The following PLPP1 variants were observed in gnomAD, a reference collection of about 807,000 sequenced individuals.
PLPP1 encodes the protein lipid phosphate phosphohydrolase 1a.
A neutral mutation model predicts 31.2 loss-of-function variants in PLPP1; 24 were observed. The ratio of observed to expected loss-of-function variants is 0.77; its 90% CI spans 0.56 to 1.08. PLPP1 has a LOEUF of 1.08. Among genes scored for constraint, PLPP1 ranks in the 50% least tolerant of loss-of-function variants. The probability of loss-of-function intolerance (pLI) is 0.00; values close to 1 mark genes in which losing one functional copy is unlikely to be tolerated. For synonymous variants in PLPP1, 146 were observed against 126.3 expected (o/e 1.16, Z -1.05); for missense variants, 319 against 342.7 (o/e 0.93, Z 0.55).
chr5:55,425,905 C>CACAT lies in PLPP1; in HGVS notation c.680_683dup (p.Leu229CysfsTer30). The CACAT allele has an allele frequency of 6.2e-7, 1 of 1,613,048 alleles. No homozygotes were observed. The highest frequency in any genetic ancestry group is 8.5e-7 in the Non-Finnish European group (1 of 1,179,780). ...GAGCTCCCTGAATGAGTCCAGTCAA[C>CACAT]ACATCGCTCCAGTGGTGTTTATAAT... is the stretch of plus-strand genomic sequence containing the variant. On this transcript the variant is annotated frameshift_variant, in exon 5 of 6. Transcript: ENST00000307259. LOFTEE classifies it high-confidence loss of function.
chr5:55,464,791 C>T (rs1468445461), intron 3 of PLPP1, among the ~76,000 whole-genome samples: 1 of 152,022 alleles, frequency 6.6e-6, no homozygotes, highest in East Asian at 1.9e-4. Context: ...GAAACTTGAC[C>T]CTCCGGTTGC....
At chr5:55,425,610 C>A in intron 5 of PLPP1, 1 of 438,876 alleles carries the variant, frequency 2.3e-6, no homozygotes, top group Non-Finnish European at 3.9e-6. Flanking sequence ...AGTCATAATC[C>A]CCTAAAAAAA....
chr5:55,443,539 T>C (rs545398673), intron 3 of PLPP1, among the ~76,000 whole-genome samples: 97 of 152,258 alleles, frequency 6.4e-4, no homozygotes, highest in Middle Eastern at 3.4e-3. Flanking sequence ...ATTTCAAGGA[T>C]TGTCAAAGCC....
At chr5:55,534,494 G>T (rs1232130892) in intron 1 of PLPP1, 78 bp downstream of exon 1, 2 of 1,400,118 alleles carry the variant, frequency 1.4e-6, no homozygotes, top group Admixed American at 2.4e-5. Context: ...ACACACCCCC[G>T]CTGCCCGTCG....
At chr5:55,455,908 C>T (rs745677828) in intron 3 of PLPP1, among the ~76,000 whole-genome samples, 2 of 152,110 alleles carry the variant, frequency 1.3e-5, no homozygotes, top group Admixed American at 6.5e-5. Flanking sequence ...CTCCAGATAA[C>T]TCTAATGAAC....
At chr5:55,485,859 T>G (rs1181448620) in intron 1 of PLPP1, among the ~76,000 whole-genome samples, 1 of 152,110 alleles carries the variant, frequency 6.6e-6, no homozygotes, top group African/African-American at 2.4e-5. Flanking sequence ...CATAAAACAG[T>G]CCCCTACAGC....
chr5:55,521,902 T>C (rs1753677663), intron 1 of PLPP1, among the ~76,000 whole-genome samples: 1 of 151,798 alleles, frequency 6.6e-6, no homozygotes, highest in African/African-American at 2.4e-5. Context: ...AGATAATAGC[T>C]TTCTTCTCTA....
intron 1 of PLPP1, among the ~76,000 whole-genome samples, chr5:55,478,678 A>G (rs1341527520): frequency 2.0e-5 from 3 of 152,158 alleles, no homozygotes; most frequent in Non-Finnish European, 4.4e-5. Context: ...TAAGGCAGAC[A>G]TGAGTGGGGT....
intron 1 of PLPP1, 23 bp downstream of exon 1, chr5:55,534,549 C>T (rs776245174): frequency 1.3e-6 from 2 of 1,527,702 alleles, no homozygotes; most frequent in Non-Finnish European, 1.8e-6. Context: ...ACACGCCCCT[C>T]GGACCCGGCG....
intron 2 of PLPP1, among the ~76,000 whole-genome samples, chr5:55,470,728 C>T (rs1194685570): frequency 6.6e-6 from 1 of 152,190 alleles, no homozygotes; most frequent in Non-Finnish European, 1.5e-5. Flanking sequence ...TAATTCCTTA[C>T]CCTAACCTTT....
intron 1 of PLPP1, among the ~76,000 whole-genome samples, chr5:55,481,433 A>G (rs1240795691): frequency 6.6e-6 from 1 of 152,154 alleles, no homozygotes; most frequent in African/African-American, 2.4e-5. Context: ...TGCCCAAGAG[A>G]GAGTGGCATG....
chr5:55,486,343 G>A (rs1289143206), intron 1 of PLPP1, among the ~76,000 whole-genome samples: 1 of 152,154 alleles, frequency 6.6e-6, no homozygotes, highest in Non-Finnish European at 1.5e-5. Flanking sequence ...TCAGCACTTT[G>A]GGAGGCCGAG....
At chr5:55,526,583 C>T (rs1740441261) in intron 1 of PLPP1, among the ~76,000 whole-genome samples, 1 of 152,102 alleles carries the variant, frequency 6.6e-6, no homozygotes, top group Non-Finnish European at 1.5e-5. Context: ...ACAACGACAA[C>T]AAACAGAAAA....
intron 2 of PLPP1, among the ~76,000 whole-genome samples, chr5:55,473,951 G>A (rs1306866232): frequency 1.3e-5 from 2 of 151,394 alleles, no homozygotes; most frequent in Non-Finnish European, 1.5e-5. Context: ...TTACAGGCGT[G>A]AGCCACCACA....
intron 4 of PLPP1, among the ~76,000 whole-genome samples, chr5:55,440,837 G>C (rs1751605216): frequency 6.6e-6 from 1 of 151,982 alleles, no homozygotes; most frequent in Admixed American, 6.6e-5. Context: ...TTAAGTCTAA[G>C]CATTAAATTA....
At position 55,534,717 on chromosome 5, in the gene PLPP1, C is replaced by T; in HGVS notation, c.-88G>A. On this transcript the variant is annotated 5_prime_UTR_variant, in exon 1 of 6. Transcript: ENST00000307259. The stretch of plus-strand genomic sequence containing the variant: ...CTTGATTCTCGAGCCCGGGCCGGGG[C>T]TGGCGACGGCCCCGAGCTACGGCCC... 1 of 1,367,590 alleles carries T rather than the reference C, an allele frequency of 7.3e-7. No individual in the cohort carries two copies. Among genetic ancestry groups the T allele is most frequent in the Non-Finnish European group, 9.9e-7 (1 of 1,013,920 alleles). 84.7% of individuals were successfully genotyped at this position (1,367,590 alleles called of 1,614,324 possible). A position where few individuals can be genotyped will look rare whatever the true frequency, so the allele number is the denominator to read the frequency against.
At position 55,520,728 on chromosome 5, in the gene PLPP1, C is replaced by T. The variant is rs112284346; in HGVS notation, c.58+13844G>A. 6.4e-3 allele frequency among the ~76,000 whole-genome samples: 980 copies of T among 152,228 alleles called. 15 individuals are homozygous for T. Among genetic ancestry groups the T allele is most frequent in the African/African-American group, 0.021 (874 of 41,514 alleles). ...ATTCATATAACAAGTATTTGAATGG[C>T]GATACACTTCCTAAGCACCAATATT... On this transcript the variant is annotated intron_variant, in intron 1 of 5. Coordinates refer to ENST00000307259, the MANE Select transcript of PLPP1 (RefSeq NM_003711.4).
intron 4 of PLPP1, among the ~76,000 whole-genome samples, chr5:55,436,300 C>G (rs1400052313): frequency 2.0e-5 from 3 of 152,058 alleles, no homozygotes; most frequent in Non-Finnish European, 4.4e-5. Context: ...TGGGAGGGAC[C>G]CAGTGGGAGG....
chr5:55,470,373 G>C (rs890536793), intron 2 of PLPP1, among the ~76,000 whole-genome samples: 2 of 152,226 alleles, frequency 1.3e-5, no homozygotes, highest in Admixed American at 1.3e-4. Context: ...CTATTTTCCA[G>C]AAACAGGTAG....
Sources: gnomAD v4.1 joint callset for allele counts (sites outside exome capture counted in the v4.1 genomes callset) on GRCh38, gnomAD v4.1.1 for gene constraint, MANE v1.5 for transcripts, NCBI Gene and HGNC (gene_info 2026-07-23, HGNC 2026-07-21) for gene names.